GLIS3: variants seen among roughly 807,000 people sequenced by gnomAD.
GLIS3 encodes zinc finger protein GLIS3.
A neutral mutation model predicts 78.6 loss-of-function variants in GLIS3; 53 were observed. The ratio of observed to expected loss-of-function variants is 0.67; its 90% CI spans 0.54 to 0.85. The LOEUF (loss-of-function observed/expected upper bound fraction) is 0.85. Ranked by LOEUF, GLIS3 falls within the 40% of genes least tolerant of loss-of-function variation. The pLI is 0.00. For missense variants in GLIS3, 1,703 were observed against 1,231.1 expected (o/e 1.38, Z -5.74); for synonymous variants, 684 against 509.9 (o/e 1.34, Z -4.60).
chr9:3,968,040 C>A (rs1042629119), intron 4 of GLIS3, among the ~76,000 whole-genome samples: 1 of 152,176 alleles, frequency 6.6e-6, no homozygotes, highest in Non-Finnish European at 1.5e-5. Flanking sequence ...TTCCTTTTCG[C>A]CATAAATCTA....
chr9:4,348,685 G>T (rs866432195), upstream of GLIS3, among the ~76,000 whole-genome samples: 19 of 151,914 alleles, frequency 1.3e-4, no homozygotes, highest in African/African-American at 3.9e-4. Flanking sequence ...CTCACAATAT[G>T]GTATTGTTAA....
At chr9:4,120,648 G>C (rs1570203) in intron 3 of GLIS3, among the ~76,000 whole-genome samples, 1 of 151,912 alleles carries the variant, frequency 6.6e-6, no homozygotes, top group Non-Finnish European at 1.5e-5. Context: ...TAGTCCTATC[G>C]TATATGAGAC....
At chr9:3,976,491 AT>A (rs33944118) in intron 4 of GLIS3, among the ~76,000 whole-genome samples, 54,350 of 149,458 alleles carry the variant, frequency 0.36, 12,240 homozygotes, top group African/African-American at 0.64. Context: ...CCCATTGCCT[AT>A]TTTTTTTTTC....
chr9:3,997,073 C>T (rs1049516311), intron 4 of GLIS3, among the ~76,000 whole-genome samples: 4 of 152,136 alleles, frequency 2.6e-5, no homozygotes, highest in Non-Finnish European at 5.9e-5. Context: ...TGCGGCCGGG[C>T]GCGGTGGCTC....
chr9:4,375,817 G>C, the GLIS3 span, among the ~76,000 whole-genome samples: 2 of 152,080 alleles, frequency 1.3e-5, no homozygotes, highest in Non-Finnish European at 1.5e-5. Context: ...CAGAAAACAT[G>C]GTTGTGTGAG....
intron 2 of GLIS3, among the ~76,000 whole-genome samples, chr9:4,328,066 T>A (rs991669007): frequency 2.0e-5 from 3 of 152,230 alleles, no homozygotes; most frequent in African/African-American, 7.2e-5. Context: ...TTATTAGGGC[T>A]GGCAGAGCCC....
chr9:4,111,766 G>C lies in GLIS3; in HGVS notation c.1710+6002C>G, dbSNP rs148961658. On this transcript the variant is annotated intron_variant, in intron 4 of 10. Transcript: ENST00000381971. ...TTGGTTTTATTTTTTAAATCAAGGA[G>C]TTTGCTTTTAATATCTGACAGACCG... Among the ~76,000 whole-genome samples the C allele has an allele frequency of 8.1e-3, 1,229 of 152,296 alleles. 9 individuals carry two copies. The highest frequency in any genetic ancestry group is 0.012 in the Non-Finnish European group (797 of 68,010).
At chr9:3,969,642 C>T (rs905966791) in intron 4 of GLIS3, among the ~76,000 whole-genome samples, 2 of 152,170 alleles carry the variant, frequency 1.3e-5, no homozygotes, top group East Asian at 3.8e-4. Flanking sequence ...CTCTTTGATT[C>T]TTCTGGAGAT....
the GLIS3 span, among the ~76,000 whole-genome samples, chr9:4,479,857 C>T: frequency 6.7e-6 from 1 of 148,490 alleles, no homozygotes; most frequent in East Asian, 1.9e-4. Context: ...CTCCTGTCTC[C>T]CTTCCTTCTT....
At chr9:3,833,128 GA>G (rs1818142708) in intron 9 of GLIS3, among the ~76,000 whole-genome samples, 1 of 152,188 alleles carries the variant, frequency 6.6e-6, no homozygotes, top group Non-Finnish European at 1.5e-5. Flanking sequence ...GAGGAGGACA[GA>G]GTAGACTCTA....
At chr9:4,060,625 G>C (rs4570215) in intron 4 of GLIS3, among the ~76,000 whole-genome samples, 146,870 of 152,244 alleles carry the variant, frequency 0.96, 70,920 homozygotes, top group Middle Eastern at 1. Context: ...GTTCAGACCC[G>C]TTGCCAGGTG....
At chr9:4,448,528 C>A in the GLIS3 span, among the ~76,000 whole-genome samples, 1 of 152,238 alleles carries the variant, frequency 6.6e-6, no homozygotes, top group East Asian at 1.9e-4. Context: ...GTTCTTTCTT[C>A]TGCACATTGT....
intron 2 of GLIS3, among the ~76,000 whole-genome samples, chr9:4,282,254 T>C (rs1368000887): frequency 6.6e-6 from 1 of 152,122 alleles, no homozygotes; most frequent in African/African-American, 2.4e-5. Context: ...ACTGCTTTGG[T>C]TAAAATTTAT....
chr9:4,451,363 C>T, the GLIS3 span, among the ~76,000 whole-genome samples: 2 of 152,106 alleles, frequency 1.3e-5, no homozygotes, highest in African/African-American at 2.4e-5. Flanking sequence ...TCCTTAGAGA[C>T]CTACAAAGAG....
chr9:4,144,954 A>C (rs944059272), intron 2 of GLIS3: 1 of 152,218 alleles, frequency 6.6e-6, no homozygotes, highest in African/African-American at 2.4e-5. Context: ...TCTCCGGAAA[A>C]ACCAATAGCT....
At chr9:4,465,611 T>C in the GLIS3 span, among the ~76,000 whole-genome samples, 1 of 152,176 alleles carries the variant, frequency 6.6e-6, no homozygotes, top group African/African-American at 2.4e-5. Flanking sequence ...TATTTGTAAA[T>C]CCAAGGATAA....
chr9:3,881,797 G>C (rs537861581), intron 7 of GLIS3, among the ~76,000 whole-genome samples: 1 of 152,132 alleles, frequency 6.6e-6, no homozygotes, highest in African/African-American at 2.4e-5. Context: ...TTAATGAAGG[G>C]AGCAGACCTC....
At chr9:4,404,189 T>C in the GLIS3 span, among the ~76,000 whole-genome samples, 7 of 152,188 alleles carry the variant, frequency 4.6e-5, no homozygotes, top group Non-Finnish European at 8.8e-5. Context: ...TAAATATATA[T>C]GCACCCAACG....
intron 2 of GLIS3, among the ~76,000 whole-genome samples, chr9:4,312,071 A>G (rs1222400596): frequency 6.6e-6 from 1 of 152,240 alleles, no homozygotes; most frequent in African/African-American, 2.4e-5. Context: ...CAATTTGTAC[A>G]ACAAACCCGC....
Sources: gnomAD v4.1 joint callset for allele counts (sites outside exome capture counted in the v4.1 genomes callset) on GRCh38, gnomAD v4.1.1 for gene constraint, MANE v1.5 for transcripts, NCBI Gene and HGNC (gene_info 2026-07-23, HGNC 2026-07-21) for gene names.